Variants in UST observed in about 807,000 individuals in gnomAD.
UST encodes chondroitin sulfate 2-O-sulfotransferase.
Under a neutral mutation model 45.6 loss-of-function variants are expected in UST, and 21 were observed. The observed-to-expected ratio is 0.46, with a 90% CI of 0.33 to 0.66. The LOEUF (loss-of-function observed/expected upper bound fraction) is 0.66. UST is among the 30% of genes least tolerant of loss of function. The pLI is 0.02. For synonymous variants in UST, 215 were observed against 200.6 expected, an observed-to-expected ratio of 1.07 and a Z score of -0.61; for missense variants, 463 against 512.4, an observed-to-expected ratio of 0.90 and a Z score of 0.93.
chr6:148,764,822 A>G (rs1158971992), intron 1 of UST, among the ~76,000 whole-genome samples: 2 of 152,184 alleles, frequency 1.3e-5, no homozygotes, highest in African/African-American at 4.8e-5. Context: ...CCTGCTGTGC[A>G]CACAATGTCA....
chr6:148,861,591 G>C lies in UST; in HGVS notation c.248-25395G>C, dbSNP rs146167793. 4.4e-3 allele frequency among the ~76,000 whole-genome samples: 676 copies of C among 152,178 alleles called. 5 individuals carry two copies. The highest frequency in any genetic ancestry group is 0.015 in the African/African-American group (633 of 41,514). The stretch of plus-strand genomic sequence containing the variant: ...TCTAGTTCTTTTAATTGTGATATTA[G>C]GGTGTCAATTTTAGATCTTTCCTGC... On this transcript the variant is annotated intron_variant, in intron 1 of 7. Coordinates refer to ENST00000367463, the MANE Select transcript of UST (RefSeq NM_005715.3).
At chr6:148,800,032 C>T (rs887069019) in intron 1 of UST, among the ~76,000 whole-genome samples, 6 of 152,320 alleles carry the variant, frequency 3.9e-5, no homozygotes, top group Admixed American at 1.3e-4. Flanking sequence ...AAGGTGAATA[C>T]GAGAGCTGTC....
chr6:148,974,769 A>T (rs1018902536), intron 5 of UST, among the ~76,000 whole-genome samples: 1 of 152,254 alleles, frequency 6.6e-6, no homozygotes, highest in Non-Finnish European at 1.5e-5. Flanking sequence ...ATTGGCTCCT[A>T]AAAAATGGCT....
intron 5 of UST, among the ~76,000 whole-genome samples, chr6:148,969,888 CA>C (rs1780880100): frequency 6.6e-6 from 1 of 152,174 alleles, no homozygotes; most frequent in Non-Finnish European, 1.5e-5. Flanking sequence ...CGCTGGCATA[CA>C]TTTGTCTTGT....
chr6:148,977,029 A>ATTC (rs1458104633), intron 5 of UST, among the ~76,000 whole-genome samples: 1 of 152,018 alleles, frequency 6.6e-6, no homozygotes, highest in East Asian at 1.9e-4. Context: ...TCTGAAATTT[A>ATTC]TTCTGGTGTC....
intron 7 of UST, among the ~76,000 whole-genome samples, chr6:149,059,289 T>C (rs1776618542): frequency 6.6e-6 from 1 of 152,234 alleles, no homozygotes; most frequent in Non-Finnish European, 1.5e-5. Context: ...GAAGCTGGGA[T>C]GCTGATCAGC....
At chr6:148,994,017 T>G (rs1052641028) in intron 5 of UST, among the ~76,000 whole-genome samples, 1 of 134,178 alleles carries the variant, frequency 7.5e-6, no homozygotes, top group African/African-American at 2.9e-5. Flanking sequence ...TCACCCAGGC[T>G]GGAATGCAGT....
At chr6:148,776,903 A>C (rs1331445979) in intron 1 of UST, among the ~76,000 whole-genome samples, 1 of 151,636 alleles carries the variant, frequency 6.6e-6, no homozygotes, top group Non-Finnish European at 1.5e-5. Context: ...TGCTGGGTGC[A>C]CTCTTGGGTC....
intron 2 of UST, among the ~76,000 whole-genome samples, chr6:148,910,504 G>A (rs1218404425): frequency 6.6e-6 from 1 of 152,088 alleles, no homozygotes; most frequent in African/African-American, 2.4e-5. Context: ...GACAAGTTAA[G>A]CCATCTCCGT....
chr6:148,920,585 G>T (rs1373813256), intron 2 of UST, among the ~76,000 whole-genome samples: 5 of 152,164 alleles, frequency 3.3e-5, no homozygotes, highest in African/African-American at 1.2e-4. Flanking sequence ...CTGGAATGCG[G>T]TGGCCCAATC....
chr6:149,029,304 A>C (rs1171951646), intron 7 of UST, among the ~76,000 whole-genome samples: 1 of 148,192 alleles, frequency 6.7e-6, no homozygotes, highest in Non-Finnish European at 1.5e-5. Flanking sequence ...TAAATTATAT[A>C]TAAAGTATAT....
intron 3 of UST, among the ~76,000 whole-genome samples, chr6:148,947,208 T>G (rs1278390535): frequency 1.3e-5 from 2 of 152,106 alleles, no homozygotes; most frequent in Non-Finnish European, 2.9e-5. Context: ...AGGTAGCAAT[T>G]TTTTTAAATT....
intron 1 of UST, among the ~76,000 whole-genome samples, chr6:148,817,182 A>T (rs769651364): frequency 6.6e-6 from 1 of 152,236 alleles, no homozygotes; most frequent in African/African-American, 2.4e-5. Context: ...GGTTTGGCTA[A>T]ATAAAGGCTA....
chr6:148,986,788 T>G (rs138413609), intron 5 of UST, among the ~76,000 whole-genome samples: 4 of 152,346 alleles, frequency 2.6e-5, no homozygotes, highest in Admixed American at 2.6e-4. Context: ...ATTTTGCTTT[T>G]CCCTGAATTG....
intron 2 of UST, among the ~76,000 whole-genome samples, chr6:148,926,381 G>GA (rs1414118414): frequency 1.3e-5 from 2 of 152,208 alleles, no homozygotes; most frequent in African/African-American, 4.8e-5. Flanking sequence ...CTAACAAACA[G>GA]AAAACCTGAC....
chr6:148,931,113 C>T (rs1779914632), intron 2 of UST, among the ~76,000 whole-genome samples: 1 of 152,246 alleles, frequency 6.6e-6, no homozygotes, highest in Non-Finnish European at 1.5e-5. Flanking sequence ...TCTTTCCCCA[C>T]TAACATCCAG....
chr6:148,773,185 T>A (rs1324245221), intron 1 of UST, among the ~76,000 whole-genome samples: 1 of 152,052 alleles, frequency 6.6e-6, no homozygotes, highest in African/African-American at 2.4e-5. Flanking sequence ...GTTGGCCAGG[T>A]CTGGTGGCTC....
chr6:148,878,813 T>C (rs919707176), intron 1 of UST, among the ~76,000 whole-genome samples: 5 of 151,496 alleles, frequency 3.3e-5, no homozygotes, highest in Admixed American at 6.6e-5. Flanking sequence ...AGATTGTGTA[T>C]GAATGTGGGG....
rs143804443 is a variant in UST at position 149,056,435 on chromosome 6, G to T, written c.938-17398G>T. Among the ~76,000 whole-genome samples the T allele has an allele frequency of 3.3e-3, 498 of 152,222 alleles. 4 individuals are homozygous for T. The highest frequency in any genetic ancestry group is 0.011 in the African/African-American group (473 of 41,556). ...CCCTGCTTTTCAAAGTCATAGCCAT[G>T]ATACCCAGGGATTTTTCCCTCACAT... On this transcript the variant is annotated intron_variant, in intron 7 of 7. Transcript: ENST00000367463.
Sources: gnomAD v4.1 joint callset for allele counts (sites outside exome capture counted in the v4.1 genomes callset) on GRCh38, gnomAD v4.1.1 for gene constraint, MANE v1.5 for transcripts, NCBI Gene and HGNC (gene_info 2026-07-23, HGNC 2026-07-21) for gene names.